IFNL3: variants seen among roughly 807,000 people sequenced by gnomAD.
The protein encoded by IFNL3 is interferon lambda-3.
A neutral mutation model predicts 16.3 loss-of-function variants in IFNL3; 16 were observed. The observed-to-expected ratio is 0.98, with a 90% CI of 0.67 to 1.50. The LOEUF (loss-of-function observed/expected upper bound fraction) is 1.50. Among genes scored for constraint, IFNL3 ranks in the 40% most tolerant of loss-of-function variants. The pLI is 0.00. For missense variants in IFNL3, 254 were observed against 253.5 expected (o/e 1.00, Z -0.01); for synonymous variants, 115 against 115.3 (o/e 1.00, Z 0.02).
Position 39,244,841 on chromosome 19 carries a change from T to G in IFNL3, c.127A>C (p.Lys43Gln), listed in dbSNP as rs774510939. ...DARGCHIAQF[K>Q]SLSPQELQAF... ...TGCAGCTCCTGTGGAGACAGGGACT[T>G]GAACTGGGCTATGTGGCAGCCCCTT... Residue 43 changes from lysine to glutamine, a missense_variant, in exon 1 of 5, where the codon AAG becomes CAG. Coordinates refer to ENST00000413851, the MANE Select transcript of IFNL3 (RefSeq NM_172139.4). 1 of 1,613,884 alleles carries G rather than the reference T, an allele frequency of 6.2e-7. No homozygotes were observed. The highest frequency in any genetic ancestry group is 2.2e-5 in the East Asian group (1 of 44,876).
chr19:39,243,625 G>A lies in IFNL3; in HGVS notation c.*7C>T, dbSNP rs375683590. 2.6e-5 allele frequency: 41 copies of A among 1,582,178 alleles called. No homozygotes were observed. The Middle Eastern group carries it at 5.0e-4, about 19-fold the overall frequency. ...TAAAATCTCAGGTTGCATGACTGGC[G>A]GAAGGGTCAGACACACAGGTCCCCG... On this transcript the variant is annotated 3_prime_UTR_variant, in exon 5 of 5. Transcript: ENST00000413851.
rs199801376 is a variant in IFNL3, at chr19:39,244,068, C to T, written c.348G>A (p.Gly116=). The change falls in exon 3 of 5, where the codon GGG becomes GGA. Residue 116 remains glycine (G), a synonymous_variant. Transcript: ENST00000413851. ...TGTGAAGGGGCTGGTCCAAGACATC[C>T]CCCAGGGCTGGGTCAGTGTCAGCGG... ...EATADTDPAL[G]DVLDQPLHTL... 1.3e-5 allele frequency: 21 copies of T among 1,614,056 alleles called. No individual in the cohort carries two copies. Among genetic ancestry groups the T allele is most frequent in the Non-Finnish European group, 1.8e-5 (21 of 1,180,040 alleles).
At position 39,244,049 on chromosome 19, in the gene IFNL3, G is replaced by C. The variant is rs200621665; in HGVS notation, c.367C>G (p.Leu123Val). The C allele has an allele frequency of 1.9e-5, 30 of 1,614,122 alleles. No homozygotes were observed. The highest frequency in any genetic ancestry group is 2.5e-5 in the Non-Finnish European group (29 of 1,180,058). ...PALGDVLDQPLHTLHHILSQL... is the reference protein window; with the variant it reads ...PALGDVLDQPVHTLHHILSQL... ...GAGAGGATATGGTGCAGGGTGTGAAGGGGCTGGTCCAAGACATCCCCCAGG... is the reference window on the plus strand; with the variant it reads ...GAGAGGATATGGTGCAGGGTGTGAACGGGCTGGTCCAAGACATCCCCCAGG... The change falls in exon 3 of 5, where the codon CTT (leucine) becomes GTT (valine). Residue 123 changes from leucine (L) to valine (V), a missense_variant. Transcript: ENST00000413851.
At position 39,244,013 on chromosome 19, in the gene IFNL3, C is replaced by T; in HGVS notation, c.403G>A (p.Ala135Thr). 5 of 1,613,828 alleles carry T rather than the reference C, an allele frequency of 3.1e-6. No homozygotes were observed. The highest frequency in any genetic ancestry group is 4.2e-6 in the Non-Finnish European group (5 of 1,179,822). The change falls in exon 3 of 5, where the codon GCC (alanine) becomes ACC (threonine). Residue 135 changes from alanine (A) to threonine (T), a missense_variant. By Grantham distance (58) the Ala-to-Thr change is moderately conservative (BLOSUM62 0). Transcript: ENST00000413851. ...CCCGGGCCCTGACGACTCACACAGG[C>T]CCGGAGCTGGGAGAGGATATGGTGC... is the stretch of plus-strand genomic sequence containing the variant. ...TLHHILSQLR[A>T]CIQPQPTAGP...
At chr19:39,244,187 G>T (rs771994713) in intron 2 of IFNL3, 30 bp from the exon 3 acceptor site, 4 of 1,613,314 alleles carry the variant, frequency 2.5e-6, no homozygotes, top group Non-Finnish European at 2.5e-6. Context: ...AGCAGGTGAG[G>T]GGGGAGGTGA....
Position 39,243,697 on chromosome 19 carries a change from A to T in IFNL3, c.526T>A (p.Phe176Ile), listed in dbSNP as rs201851186. The part of the protein sequence containing the change: ...SPGCLEASVT[F>I]NLFRLLTRDL... Reference sequence around the variant, plus strand: ...CGCGTGAGGAGGCGGAAGAGGTTGAAGGTGACAGAGGCCTCGAGGCAGCCA... The same window carrying T: ...CGCGTGAGGAGGCGGAAGAGGTTGATGGTGACAGAGGCCTCGAGGCAGCCA... The change falls in exon 5 of 5, where the codon TTC becomes ATC. Residue 176 changes from phenylalanine to isoleucine, a missense_variant. Transcript: ENST00000413851. 63 of 1,609,668 alleles carry T rather than the reference A, an allele frequency of 3.9e-5. No homozygotes were observed. In the South Asian group the frequency reaches 6.9e-4, roughly 18 times the overall value.
In IFNL3 at chr19:39,244,079, G is replaced by C; in HGVS notation, c.337C>G (p.Pro113Ala). 2 of 1,614,196 alleles carry C rather than the reference G, an allele frequency of 1.2e-6. No individual in the cohort carries two copies. The highest frequency in any genetic ancestry group is 1.7e-6 in the Non-Finnish European group (2 of 1,180,038). The change falls in exon 3 of 5, where the codon CCA becomes GCA. Residue 113 changes from proline to alanine, a missense_variant. Transcript: ENST00000413851. ...TGGTCCAAGACATCCCCCAGGGCTGGGTCAGTGTCAGCGGTGGCCTCCAGA... is the reference window on the plus strand; with the variant it reads ...TGGTCCAAGACATCCCCCAGGGCTGCGTCAGTGTCAGCGGTGGCCTCCAGA... The part of the protein sequence containing the change: ...KVLEATADTD[P>A]ALGDVLDQPL...
In IFNL3 at chr19:39,244,123, A is replaced by G. The variant is rs1476985285; in HGVS notation, c.293T>C (p.Leu98Pro). The G allele has an allele frequency of 6.2e-7, 1 of 1,614,184 alleles. No homozygotes were observed. The highest frequency in any genetic ancestry group is 2.2e-5 in the East Asian group (1 of 44,872). ...RERPVALEAE[L>P]ALTLKVLEAT... ...CTCCAGAACCTTCAGCGTCAGGGCC[A>G]GCTCAGCCTCCAAAGCCACGGGGCG... The change falls in exon 3 of 5, where the codon CTG becomes CCG. Residue 98 changes from leucine (L) to proline (P), a missense_variant. Leu to Pro is a moderately conservative substitution (Grantham distance 98). Coordinates refer to ENST00000413851, the MANE Select transcript of IFNL3 (RefSeq NM_172139.4).
rs201680991 is a variant in IFNL3 at position 39,244,889 on chromosome 19, G to A, written c.79C>T (p.Leu27Phe). ...TVTGAVPVAR[L>F]RGALPDARGC... ...CTTGCATCCGGGAGAGCCCCGCGGA[G>A]CCTGGCGACAGGAACTGCTCCAGTC... The change falls in exon 1 of 5, where the codon CTC (leucine) becomes TTC (phenylalanine). Residue 27 changes from leucine to phenylalanine, a missense_variant. Physicochemically the swap from Leu to Phe is conservative, Grantham distance 22. Coordinates refer to ENST00000413851, the MANE Select transcript of IFNL3 (RefSeq NM_172139.4). 704 of 1,613,986 alleles carry A rather than the reference G, an allele frequency of 4.4e-4. 7 individuals are homozygous for A. In the South Asian group the frequency reaches 7.5e-3, roughly 17 times the overall value.
In IFNL3 at chr19:39,244,454, C is replaced by T. The variant is rs561741200; in HGVS notation, c.221G>A (p.Arg74His). ...CAGGTCCCAGGTCCTGGGGAAGAGG[C>T]GGGAGCGGCACTTGCAGTCCTTCAG... is the stretch of plus-strand genomic sequence containing the variant. ...LLLKDCKCRS[R>H]LFPRTWDLRQ... Residue 74 changes from arginine (R) to histidine (H), a missense_variant, in exon 2 of 5, where the codon CGC becomes CAC. Coordinates refer to ENST00000413851, the MANE Select transcript of IFNL3 (RefSeq NM_172139.4). 33 of 1,606,962 alleles carry T rather than the reference C, an allele frequency of 2.1e-5. No individual in the cohort carries two copies. The highest frequency in any genetic ancestry group is 4.5e-5 in the East Asian group (2 of 44,270).
In IFNL3 at chr19:39,244,001, G is replaced by A. The variant is rs371681575; in HGVS notation, c.408+7C>T. Reference sequence around the variant, plus strand: ...CAGACCTGGGTGCCCGGGCCCTGACGACTCACACAGGCCCGGAGCTGGGAG... The same window carrying A: ...CAGACCTGGGTGCCCGGGCCCTGACAACTCACACAGGCCCGGAGCTGGGAG... On this transcript the variant is annotated splice_region_variant and intron_variant, in intron 3 of 4. Transcript: ENST00000413851. 18 of 1,612,968 alleles carry A rather than the reference G, an allele frequency of 1.1e-5. No individual in the cohort carries two copies. The African/African-American group carries it at 1.2e-4, about 11-fold the overall frequency.
intron 1 of IFNL3, 146 bp from the exon 2 acceptor site, chr19:39,244,640 G>A (rs1449110458): frequency 1.0e-5 from 14 of 1,369,890 alleles, no homozygotes; most frequent in Non-Finnish European, 1.3e-5. Flanking sequence ...GAAAACATGA[G>A]TCAGTCCCTG....
chr19:39,244,488 A>G lies in IFNL3; in HGVS notation c.187T>C (p.Ser63Pro). The G allele has an allele frequency of 6.2e-7, 1 of 1,609,502 alleles. No individual in the cohort carries two copies. The change falls in exon 2 of 5, where the codon TCG becomes CCG. Residue 63 changes from serine (S) to proline (P), a missense_variant. Coordinates refer to ENST00000413851, the MANE Select transcript of IFNL3 (RefSeq NM_172139.4). ...CACTTGCAGTCCTTCAGCAGAAGCG[A>G]CTCTTCCTAGACAGCAAAGGCACAG... The part of the protein sequence containing the change: ...FKRAKDALEE[S>P]LLLKDCKCRS...
downstream of IFNL3, chr19:39,243,520 AG>A: frequency 8.3e-7 from 1 of 1,199,216 alleles, no homozygotes; most frequent in Non-Finnish European, 1.2e-6. Flanking sequence ...ATTTTCCTGG[AG>A]GTGAGTTGGA....
upstream of IFNL3, chr19:39,245,062 A>T (rs201598821): frequency 3.8e-5 from 61 of 1,609,958 alleles, no homozygotes; most frequent in African/African-American, 7.2e-4. Context: ...GAGATGTGGG[A>T]CTCACCTAGT....
At chr19:39,244,332 T>C in intron 2 of IFNL3, 85 bp downstream of exon 2, 2 of 1,307,962 alleles carry the variant, frequency 1.5e-6, no homozygotes, top group South Asian at 1.3e-5. Context: ...AGAGGGACAA[T>C]GGAGAAGGAG....
intron 2 of IFNL3, 34 bp downstream of exon 2, chr19:39,244,383 G>C: frequency 1.2e-6 from 2 of 1,602,756 alleles, no homozygotes; most frequent in Non-Finnish European, 1.7e-6. Context: ...AGCAGGGCTG[G>C]GAGGGCAGGG....
At position 39,243,807 on chromosome 19, in the gene IFNL3, C is replaced by A; in HGVS notation, c.492+17G>T. The A allele has an allele frequency of 6.2e-7, 1 of 1,613,688 alleles. No individual in the cohort carries two copies. Among genetic ancestry groups the A allele is most frequent in the Admixed American group, 1.7e-5 (1 of 59,890 alleles). On this transcript the variant is annotated intron_variant, in intron 4 of 4. Coordinates refer to ENST00000413851, the MANE Select transcript of IFNL3 (RefSeq NM_172139.4). ...TGGCTCCCCAGACCTCAGTCCCTCTCTTCCCGGGTCACTCACCTTTTTTGG... is the reference window on the plus strand; with the variant it reads ...TGGCTCCCCAGACCTCAGTCCCTCTATTCCCGGGTCACTCACCTTTTTTGG...
Position 39,243,572 on chromosome 19 carries a change from A to C in IFNL3, c.*60T>G. The C allele has an allele frequency of 1.3e-6, 2 of 1,523,994 alleles. No individual in the cohort carries two copies. The highest frequency in any genetic ancestry group is 1.8e-6 in the Non-Finnish European group (2 of 1,123,060). 94.4% of individuals were successfully genotyped at this position (1,523,994 alleles called of 1,614,324 possible). ...ACATAAATAGCGACTGGGTGACAATAAATTAAGCCAAGTGGCTAATTTATA... is the reference window on the plus strand; with the variant it reads ...ACATAAATAGCGACTGGGTGACAATCAATTAAGCCAAGTGGCTAATTTATA... On this transcript the variant is annotated 3_prime_UTR_variant, in exon 5 of 5. Transcript: ENST00000413851.
Sources: gnomAD v4.1 joint callset for allele counts on GRCh38, gnomAD v4.1.1 for gene constraint, MANE v1.5 for transcripts, NCBI Gene and HGNC (gene_info 2026-07-23, HGNC 2026-07-21) for gene names.